Variants in CCDC192 observed in about 807,000 individuals in gnomAD.
CCDC192 encodes the protein coiled-coil domain-containing protein 192.
intron 6 of CCDC192, among the ~76,000 whole-genome samples, chr5:127,916,563 A>G (rs1193087444): frequency 2.0e-5 from 3 of 152,272 alleles, no homozygotes; most frequent in African/African-American, 2.4e-5. Context: ...TCCTTCAGCC[A>G]TGGGCTGAAG....
At chr5:127,709,203 GAGAGAGA>G (rs1751172335) in intron 2 of CCDC192, among the ~76,000 whole-genome samples, 4 of 2,438 alleles carry the variant, frequency 1.6e-3, no homozygotes, top group African/African-American at 3.4e-3. Context: ...GAGAGAGGGG[GAGAGAGA>G]GAGAGAGAGA....
intron 1 of CCDC192, among the ~76,000 whole-genome samples, chr5:127,703,868 C>T (rs1228104483): frequency 8.5e-5 from 13 of 152,190 alleles, no homozygotes; most frequent in Non-Finnish European, 1.5e-4. Context: ...CTTCACTACT[C>T]TCTTGCCAAG....
At chr5:127,782,166 C>T (rs1756265032) in intron 3 of CCDC192, among the ~76,000 whole-genome samples, 1 of 152,120 alleles carries the variant, frequency 6.6e-6, no homozygotes. Context: ...GGTATGAAAT[C>T]CACTTGATCA....
intron 3 of CCDC192, among the ~76,000 whole-genome samples, chr5:127,759,316 C>T (rs1349300892): frequency 6.6e-6 from 1 of 152,208 alleles, no homozygotes; most frequent in African/African-American, 2.4e-5. Context: ...ACCTAATCCA[C>T]AATATGATAG....
intron 5 of CCDC192, among the ~76,000 whole-genome samples, chr5:127,805,088 C>G (rs1273862077): frequency 6.6e-6 from 1 of 152,168 alleles, no homozygotes; most frequent in Non-Finnish European, 1.5e-5. Context: ...CCCTCCCTCT[C>G]CCAGTCCCAC....
intron 2 of CCDC192, among the ~76,000 whole-genome samples, chr5:127,724,476 A>G (rs186889664): frequency 1.1e-3 from 164 of 152,334 alleles, no homozygotes; most frequent in African/African-American, 3.7e-3. Context: ...GAAGTCTTCC[A>G]TAGTACTTGC....
intron 2 of CCDC192, among the ~76,000 whole-genome samples, chr5:127,752,833 C>G (rs956585211): frequency 2.6e-5 from 4 of 152,160 alleles, no homozygotes; most frequent in African/African-American, 9.7e-5. Flanking sequence ...TTTTTTAAGC[C>G]GGTTGGAAAA....
At chr5:127,814,896 C>T (rs1235172098) in intron 5 of CCDC192, among the ~76,000 whole-genome samples, 1 of 152,182 alleles carries the variant, frequency 6.6e-6, no homozygotes, top group African/African-American at 2.4e-5. Flanking sequence ...TTTTCAACAT[C>T]TTCAGTATGG....
intron 5 of CCDC192, among the ~76,000 whole-genome samples, chr5:127,806,270 T>C (rs79268191): frequency 0.021 from 3,168 of 152,268 alleles, 106 homozygotes; most frequent in African/African-American, 0.07. Flanking sequence ...TTGGGTTCAT[T>C]ACATCACACA....
At chr5:127,747,571 G>C (rs1454391725) in intron 2 of CCDC192, among the ~76,000 whole-genome samples, 1 of 151,730 alleles carries the variant, frequency 6.6e-6, no homozygotes, top group Non-Finnish European at 1.5e-5. Flanking sequence ...AAACATACGT[G>C]TGCATGTGTC....
chr5:127,723,745 A>T (rs1752156673), intron 2 of CCDC192, among the ~76,000 whole-genome samples: 1 of 152,232 alleles, frequency 6.6e-6, no homozygotes, highest in Admixed American at 6.5e-5. Context: ...ACAAGGATGC[A>T]GCCTCTCAGG....
intron 6 of CCDC192, 187 bp from the exon 7 acceptor site, chr5:127,940,995 C>G (rs1007905493): frequency 2.6e-6 from 1 of 389,830 alleles, no homozygotes; most frequent in Admixed American, 4.4e-5. Flanking sequence ...TTTCTTTTTT[C>G]ATGAGCACCC....
At chr5:127,940,274 G>A (rs1434032496) in intron 6 of CCDC192, among the ~76,000 whole-genome samples, 1 of 152,124 alleles carries the variant, frequency 6.6e-6, no homozygotes, top group Non-Finnish European at 1.5e-5. Context: ...GTGCCAAAAA[G>A]ACTTCAGGCC....
intron 5 of CCDC192, among the ~76,000 whole-genome samples, chr5:127,806,237 G>A (rs555910417): frequency 6.6e-6 from 1 of 152,304 alleles, no homozygotes; most frequent in South Asian, 2.1e-4. Context: ...GACACACTGA[G>A]GGACAGAGAC....
chr5:127,840,635 T>G (rs1435820446), intron 5 of CCDC192, among the ~76,000 whole-genome samples: 2 of 152,112 alleles, frequency 1.3e-5, no homozygotes, highest in Non-Finnish European at 2.9e-5. Flanking sequence ...TTAAATTATT[T>G]CACATTTTTT....
chr5:127,739,304 G>T (rs1341178596), intron 2 of CCDC192, among the ~76,000 whole-genome samples: 15 of 151,928 alleles, frequency 9.9e-5, no homozygotes, highest in Non-Finnish European at 2.1e-4. Context: ...TCTCCAGCTG[G>T]GTGCTGGGAG....
chr5:127,874,783 G>A (rs911551859), intron 5 of CCDC192, among the ~76,000 whole-genome samples: 3 of 152,170 alleles, frequency 2.0e-5, no homozygotes, highest in Admixed American at 6.5e-5. Context: ...ACAACAGACA[G>A]CTTCTCCAAA....
intron 5 of CCDC192, among the ~76,000 whole-genome samples, chr5:127,870,481 T>G (rs1403957628): frequency 2.6e-5 from 4 of 152,222 alleles, no homozygotes; most frequent in Non-Finnish European, 5.9e-5. Context: ...AATCAACATC[T>G]GGAAATAAAA....
At chr5:127,713,506 C>T (rs556363737) in intron 2 of CCDC192, among the ~76,000 whole-genome samples, 44 of 152,148 alleles carry the variant, frequency 2.9e-4, no homozygotes, top group African/African-American at 1.0e-3. Flanking sequence ...CTGTCTGTAC[C>T]TGGTCTTGTA....
Sources: allele counts gnomAD v4.1 joint callset (sites outside exome capture counted in the v4.1 genomes callset), GRCh38; gene constraint gnomAD v4.1.1; transcripts MANE v1.5; gene names NCBI Gene and HGNC (gene_info 2026-07-23, HGNC 2026-07-21).